The following GRK1 variants were observed in gnomAD, a reference collection of about 807,000 sequenced individuals.
The protein encoded by GRK1 is rhodopsin kinase GRK1.
A neutral mutation model predicts 41.7 loss-of-function variants in GRK1; 28 were observed. The observed-to-expected ratio is 0.67, with a 90% CI of 0.50 to 0.92. The LOEUF (loss-of-function observed/expected upper bound fraction) is 0.92. Ranked by LOEUF, GRK1 falls within the 40% of genes least tolerant of loss-of-function variation. The probability of loss-of-function intolerance (pLI) is 0.00; values close to 1 mark genes in which losing one functional copy is unlikely to be tolerated. For synonymous variants in GRK1, 327 were observed against 286.7 expected, an observed-to-expected ratio of 1.14 and a Z score of -1.42; for missense variants, 703 against 671.2, an observed-to-expected ratio of 1.05 and a Z score of -0.52.
intron 6 of GRK1, 149 bp downstream of exon 6, chr13:113,733,234 C>T (rs1056243483): frequency 1.4e-6 from 1 of 706,522 alleles, no homozygotes; most frequent in Non-Finnish European, 2.3e-6. Flanking sequence ...GGCCCCCAGT[C>T]CTCCACTCAT....
upstream of GRK1, among the ~76,000 whole-genome samples, chr13:113,664,216 G>A (rs1434080749): frequency 1.3e-5 from 2 of 152,152 alleles, no homozygotes; most frequent in African/African-American, 4.8e-5. The surrounding 1 kb of genome is among the most constrained non-coding windows in gnomAD (Gnocchi z 5.4). Context: ...ATTGAGCAGG[G>A]CGGGCTGGGG....
the GRK1 span, among the ~76,000 whole-genome samples, chr13:113,651,066 A>C: frequency 6.6e-6 from 1 of 152,006 alleles, no homozygotes; most frequent in Non-Finnish European, 1.5e-5. Flanking sequence ...CCGAGAGTGG[A>C]GGCTTCGAGG....
the GRK1 span, among the ~76,000 whole-genome samples, chr13:113,655,655 G>GATC: frequency 6.0e-3 from 912 of 152,320 alleles, 20 homozygotes; most frequent in African/African-American, 0.021. Flanking sequence ...AGCTTGTGTG[G>GATC]ATCGCAGGAG....
intron 2 of GRK1, among the ~76,000 whole-genome samples, chr13:113,670,301 G>A (rs377285400): frequency 4.6e-5 from 7 of 152,050 alleles, no homozygotes; most frequent in Admixed American, 2.6e-4. Context: ...CGGATCTGCC[G>A]CTGAGACAGG....
At chr13:113,727,764 A>C (rs2049899930) in intron 4 of GRK1, among the ~76,000 whole-genome samples, 2 of 106,062 alleles carry the variant, frequency 1.9e-5, no homozygotes, top group Admixed American at 1.7e-4. Context: ...GGCGATGAGG[A>C]GTACCCATGG....
intron 5 of GRK1, among the ~76,000 whole-genome samples, chr13:113,732,589 C>T (rs541198161): frequency 1.3e-5 from 2 of 152,370 alleles, no homozygotes; most frequent in South Asian, 4.1e-4. Context: ...TGGGCCCGCG[C>T]TGGCCTTCAG....
At chr13:113,668,439 A>G (rs1297873733) in intron 1 of GRK1, among the ~76,000 whole-genome samples, 1 of 152,204 alleles carries the variant, frequency 6.6e-6, no homozygotes, top group Non-Finnish European at 1.5e-5. Context: ...CTTTGCCATG[A>G]CTGTGGAAGA....
chr13:113,663,087 A>G (rs1566691633), upstream of GRK1, among the ~76,000 whole-genome samples: 1 of 152,232 alleles, frequency 6.6e-6, no homozygotes, highest in African/African-American at 2.4e-5. Context: ...ACCCAATTTC[A>G]AAGCTTATTA....
At chr13:113,655,138 C>T in the GRK1 span, among the ~76,000 whole-genome samples, 1 of 152,218 alleles carries the variant, frequency 6.6e-6, no homozygotes, top group Non-Finnish European at 1.5e-5. Flanking sequence ...CCACCGGCCA[C>T]GTTCTGCCTC....
chr13:113,733,664 TGTGTGC>T lies in GRK1; in HGVS notation c.1396+580_1396+585del, dbSNP rs1479832177. On this transcript the variant is annotated intron_variant, in intron 6 of 6. Coordinates refer to ENST00000335678, the MANE Select transcript of GRK1 (RefSeq NM_002929.3). ...GTATGTGTGCATACGTGTGTGTGCG[TGTGTGC>T]ACGTGTGTGCATGTATGTGTGCATA... is the stretch of plus-strand genomic sequence containing the variant. 3.4e-4 allele frequency among the ~76,000 whole-genome samples: 40 copies of T among 116,340 alleles called. 3 individuals are homozygous for T. The highest frequency in any genetic ancestry group is 7.2e-4 in the Non-Finnish European group (39 of 54,162). 76.3% of individuals were successfully genotyped at this position (116,340 alleles called of 152,430 possible).
At chr13:113,658,119 G>A in the GRK1 span, 66 of 1,612,786 alleles carry the variant, frequency 4.1e-5, no homozygotes, top group Admixed American at 3.0e-4. Flanking sequence ...CTGGCCACAC[G>A]TCTTCTTCTC....
chr13:113,663,124 G>A (rs1393593649), upstream of GRK1, among the ~76,000 whole-genome samples: 1 of 152,108 alleles, frequency 6.6e-6, no homozygotes, highest in Non-Finnish European at 1.5e-5. Flanking sequence ...AAGATTGTAT[G>A]GTATGGTCAG....
At chr13:113,652,719 C>T in the GRK1 span, 10 of 814,018 alleles carry the variant, frequency 1.2e-5, no homozygotes, top group Non-Finnish European at 1.7e-5. Context: ...GGGACAGGTG[C>T]GTGCCAAACC....
intron 6 of GRK1, among the ~76,000 whole-genome samples, chr13:113,733,716 C>G (rs551017594): frequency 2.0e-4 from 19 of 94,722 alleles, no homozygotes; most frequent in African/African-American, 7.4e-4. Context: ...TGTGTGCGCA[C>G]GTGTGTGTGC....
At chr13:113,653,262 G>GCCGCTTCACACCTCACCCACCCA in the GRK1 span, 1 of 1,449,054 alleles carries the variant, frequency 6.9e-7, no homozygotes. Context: ...TCACCCACCC[G>GCCGCTTCACACCTCACCCACCCA]CCGCTTCACA....
rs1166686148 is a variant in GRK1, at chr13:113,735,901, G to T, written c.*538G>T. ...GGCTCCTGACTTCCAGGGTGCCCGG[G>T]CCCTGTGCTGGTGGCCTGCACGCCA... is the stretch of plus-strand genomic sequence containing the variant. On this transcript the variant is annotated 3_prime_UTR_variant, in exon 7 of 7. Transcript: ENST00000335678. 6.6e-6 allele frequency: 1 copy of T among 152,446 alleles called. No individual in the cohort carries two copies. The highest frequency in any genetic ancestry group is 1.5e-5 in the Non-Finnish European group (1 of 68,246). 9.4% of individuals were successfully genotyped at this position (152,446 alleles called of 1,614,324 possible).
At position 113,735,031 on chromosome 13, in the gene GRK1, C is replaced by T. The variant is rs1461296030; in HGVS notation, c.1397-37C>T. ...GCTAAACGGCGCTTCCTTCCCACCA[C>T]GAGGAGCCTGGCGTCTGTGTTTTCT... On this transcript the variant is annotated intron_variant, in intron 6 of 6. Coordinates refer to ENST00000335678, the MANE Select transcript of GRK1 (RefSeq NM_002929.3). The T allele has an allele frequency of 1.4e-5, 20 of 1,453,826 alleles. No individual in the cohort carries two copies. The East Asian group carries it at 2.8e-4, about 20-fold the overall frequency. 90.1% of individuals were successfully genotyped at this position (1,453,826 alleles called of 1,614,324 possible). A position where few individuals can be genotyped will look rare whatever the true frequency, so the allele number is the denominator to read the frequency against.
At chr13:113,664,236 T>C (rs2049804941), upstream of GRK1, among the ~76,000 whole-genome samples, 1 of 152,094 alleles carries the variant, frequency 6.6e-6, no homozygotes, top group South Asian at 2.1e-4. This position sits in a 1 kb window ranked among gnomAD's most constrained non-coding sequence, Gnocchi z 5.4. Context: ...GGAACTTCGG[T>C]GCATCTGTGA....
chr13:113,667,588 G>A lies in GRK1; in HGVS notation c.202G>A (p.Gly68Ser), dbSNP rs745407122. ...GAGTGTGTGCTTGGAGCAGCCCATCGGCAAGAAGCTCTTTCAGCAGTTCCT... is the reference window on the plus strand; with the variant it reads ...GAGTGTGTGCTTGGAGCAGCCCATCAGCAAGAAGCTCTTTCAGCAGTTCCT... ...FESVCLEQPI[G>S]KKLFQQFLQS... is the part of the protein sequence containing the mutation. The change falls in exon 1 of 7, where the codon GGC (glycine) becomes AGC (serine). Residue 68 changes from glycine to serine, a missense_variant. Gly to Ser is a moderately conservative substitution (Grantham distance 56, BLOSUM62 0). Coordinates refer to ENST00000335678, the MANE Select transcript of GRK1 (RefSeq NM_002929.3). The surrounding 1 kb of genome is among the most constrained non-coding windows in gnomAD (Gnocchi z 7.5). The A allele has an allele frequency of 4.0e-5, 65 of 1,613,462 alleles. No homozygotes were observed. Among genetic ancestry groups the A allele is most frequent in the Admixed American group, 5.0e-5 (3 of 60,000 alleles).
Sources: allele counts gnomAD v4.1 joint callset (sites outside exome capture counted in the v4.1 genomes callset), GRCh38; gene constraint gnomAD v4.1.1; non-coding constraint Gnocchi (gnomAD v3.1); transcripts MANE v1.5; gene names NCBI Gene and HGNC (gene_info 2026-07-23, HGNC 2026-07-21).